The following MRPS25 variants were observed in gnomAD, a reference collection of about 807,000 sequenced individuals.
MRPS25 encodes mitochondrial ribosomal protein S25.
In MRPS25, 15 loss-of-function variants were observed where a neutral mutation model predicts 17.3. That is an observed-to-expected ratio of 0.87 (90% CI 0.58 to 1.34). The LOEUF (loss-of-function observed/expected upper bound fraction) is 1.34. Ranked by LOEUF, MRPS25 falls within the 40% of genes most tolerant of loss-of-function variation. The probability of loss-of-function intolerance (pLI) is 0.00; values close to 1 mark genes in which losing one functional copy is unlikely to be tolerated. For synonymous variants in MRPS25, 94 were observed against 83.3 expected (o/e 1.13, Z -0.70); for missense variants, 225 against 218.6 (o/e 1.03, Z -0.19).
rs529481551 is a variant in MRPS25, at chr3:15,051,382, C to T, written c.*1059G>A. On this transcript the variant is annotated 3_prime_UTR_variant, in exon 4 of 4. Coordinates refer to ENST00000253686, the MANE Select transcript of MRPS25 (RefSeq NM_022497.5). ...TACTTTTTGTAGAGACAAGGTCTTG[C>T]CATGTTGCCCAGGCTGGTCTCGAAC... 2,264 of 602,636 alleles carry T rather than the reference C, an allele frequency of 3.8e-3. 7 individuals carry two copies. The highest frequency in any genetic ancestry group is 5.0e-3 in the Middle Eastern group (6 of 1,192). The allele number at this position is 602,636 out of a possible 1,614,324, so 37.3% of individuals were successfully genotyped here. A position where few individuals can be genotyped will look rare whatever the true frequency, so the allele number is the denominator to read the frequency against.
intron 1 of MRPS25, among the ~76,000 whole-genome samples, chr3:15,060,515 C>CAAAAAAA (rs35071871): frequency 2.5e-5 from 2 of 81,120 alleles, no homozygotes; most frequent in Admixed American, 1.4e-4. Flanking sequence ...GGTCCTCTCT[C>CAAAAAAA]AAAAAAAAAA....
At chr3:15,061,110 T>C (rs1032805916) in intron 1 of MRPS25, among the ~76,000 whole-genome samples, 1 of 148,662 alleles carries the variant, frequency 6.7e-6, no homozygotes, top group East Asian at 1.9e-4. Context: ...TCCCATACTT[T>C]AAACTACTAG....
At chr3:15,042,683 G>A, downstream of MRPS25, 1 of 633,898 alleles carries the variant, frequency 1.6e-6, no homozygotes, top group Non-Finnish European at 2.7e-6. Context: ...TCTATAAGAG[G>A]AACTGTTGAA....
intron 2 of MRPS25, 73 bp from the exon 3 acceptor site, chr3:15,053,540 GGGACTTGC>G: frequency 6.4e-7 from 1 of 1,572,248 alleles, no homozygotes; most frequent in Non-Finnish European, 8.7e-7. Context: ...GTTGTAATTT[GGGACTTGC>G]TTTTAGTGGC....
chr3:15,043,238 C>T, downstream of MRPS25: 2 of 355,802 alleles, frequency 5.6e-6, no homozygotes, highest in East Asian at 4.3e-5. Flanking sequence ...GATTTTGGAA[C>T]AATCTTTTAA....
chr3:15,046,822 T>C (rs1333069368), downstream of MRPS25: 1 of 152,682 alleles, frequency 6.5e-6, no homozygotes, highest in Non-Finnish European at 1.5e-5. Flanking sequence ...ACGTGCTTCC[T>C]TTATCCAGCT....
chr3:15,065,009 C>T, intron 1 of MRPS25, 52 bp downstream of exon 1: 3 of 1,560,332 alleles, frequency 1.9e-6, no homozygotes, highest in Non-Finnish European at 2.6e-6. Context: ...TACCAGCAGG[C>T]TGGCACGACT....
intron 2 of MRPS25, 65 bp from the exon 3 acceptor site, chr3:15,053,532 T>C (rs995595667): frequency 1.3e-6 from 2 of 1,597,676 alleles, no homozygotes; most frequent in Non-Finnish European, 1.7e-6. Flanking sequence ...CTCAAAAAGT[T>C]GTAATTTGGG....
At chr3:15,064,885 G>A (rs983613657) in intron 1 of MRPS25, among the ~76,000 whole-genome samples, 176 bp downstream of exon 1, 1 of 152,196 alleles carries the variant, frequency 6.6e-6, no homozygotes, top group African/African-American at 2.4e-5. Flanking sequence ...CGGCCCGGCG[G>A]GGGCCCCGCC....
Position 15,051,413 on chromosome 3 carries a change from G to T in MRPS25, c.*1028C>A. 2.4e-6 allele frequency: 2 copies of T among 823,586 alleles called. No homozygotes were observed. The highest frequency in any genetic ancestry group is 2.9e-6 in the Non-Finnish European group (2 of 682,462). 51.0% of individuals were successfully genotyped at this position (823,586 alleles called of 1,614,324 possible). ...TGCCCAGGCTGGTCTCGAACTCCTG[G>T]GCTCAACTATCCGCCCACATCAGCC... On this transcript the variant is annotated 3_prime_UTR_variant, in exon 4 of 4. Coordinates refer to ENST00000253686, the MANE Select transcript of MRPS25 (RefSeq NM_022497.5).
rs976767911 is a variant in MRPS25 at position 15,052,779 on chromosome 3, C to T, written c.330-146G>A. The T allele has an allele frequency of 6.2e-5, 53 of 858,450 alleles. 1 individual carries two copies. The highest frequency in any genetic ancestry group is 2.2e-4 in the Admixed American group (9 of 40,352). 53.2% of individuals were successfully genotyped at this position (858,450 alleles called of 1,614,324 possible). On this transcript the variant is annotated intron_variant, in intron 3 of 3. Coordinates refer to ENST00000253686, the MANE Select transcript of MRPS25 (RefSeq NM_022497.5). ...CCTGATCCTCACTGTCAAAGCCTAT[C>T]GCTGTCTCCCTGCTGGCCCCTGAGG...
intron 2 of MRPS25, among the ~76,000 whole-genome samples, chr3:15,054,336 G>A (rs527651010): frequency 3.3e-5 from 5 of 152,260 alleles, no homozygotes; most frequent in South Asian, 4.1e-4. Context: ...AAAGATAATC[G>A]TTTCAACAAA....
chr3:15,051,709 G>A lies in MRPS25; in HGVS notation c.*732C>T, dbSNP rs1575066001. 1 of 985,444 alleles carries A rather than the reference G, an allele frequency of 1.0e-6. No individual in the cohort carries two copies. The allele number at this position is 985,444 out of a possible 1,614,324, so 61.0% of individuals were successfully genotyped here. A position where few individuals can be genotyped will look rare whatever the true frequency, so the allele number is the denominator to read the frequency against. ...ACCATCCCCCCAGCAGGGCCCCAAT[G>A]TCTCCACTAGGTGGTGTCTCCTCAT... On this transcript the variant is annotated 3_prime_UTR_variant, in exon 4 of 4. Transcript: ENST00000253686.
At chr3:15,053,688 TAGAA>T (rs1248454580) in intron 2 of MRPS25, 19 of 581,068 alleles carry the variant, frequency 3.3e-5, no homozygotes, top group East Asian at 9.5e-5. Context: ...GCCATTTTAA[TAGAA>T]AGACATTCCA....
intron 2 of MRPS25, among the ~76,000 whole-genome samples, chr3:15,054,190 AAC>A (rs2042641548): frequency 6.6e-6 from 1 of 152,108 alleles, no homozygotes; most frequent in Non-Finnish European, 1.5e-5. Flanking sequence ...CAGTCTGGGC[AAC>A]AGTGTGAGAC....
chr3:15,053,242 C>T, intron 3 of MRPS25, 138 bp downstream of exon 3: 3 of 1,483,260 alleles, frequency 2.0e-6, no homozygotes, highest in Admixed American at 2.3e-5. Context: ...ACTGATTCTA[C>T]AGCCCCAGCT....
chr3:15,051,914 A>C lies in MRPS25; in HGVS notation c.*527T>G. ...CAGGCAAGGGTAATCAACTGTACTT[A>C]AAAAAGTGAGCACTGCACGAAGGGT... On this transcript the variant is annotated 3_prime_UTR_variant, in exon 4 of 4. Transcript: ENST00000253686. The C allele has an allele frequency of 1.0e-6, 1 of 985,584 alleles. No homozygotes were observed. 61.1% of individuals were successfully genotyped at this position (985,584 alleles called of 1,614,324 possible).
chr3:15,048,385 T>C (rs2125125784), downstream of MRPS25: 1 of 152,764 alleles, frequency 6.5e-6, no homozygotes, highest in South Asian at 2.1e-4. Flanking sequence ...CTATTTAGCT[T>C]AACAGCAGTC....
At chr3:15,046,973 G>T (rs1038487345), downstream of MRPS25, 4 of 152,646 alleles carry the variant, frequency 2.6e-5, no homozygotes, top group African/African-American at 4.8e-5. Flanking sequence ...CCTCCCACCA[G>T]CGTGCACTTC....
Sources: allele counts gnomAD v4.1 joint callset (sites outside exome capture counted in the v4.1 genomes callset), GRCh38; gene constraint gnomAD v4.1.1; transcripts MANE v1.5; gene names NCBI Gene and HGNC (gene_info 2026-07-23, HGNC 2026-07-21).